MTMR8: variants seen among roughly 807,000 people sequenced by gnomAD.
The protein encoded by MTMR8 is myotubularin related protein 8.
Under a neutral mutation model 39.3 loss-of-function variants are expected in MTMR8, and 65 were observed. The observed-to-expected ratio is 1.65, with a 90% CI of 1.35 to 2.03. The LOEUF is 2.03. Among genes scored for constraint, MTMR8 ranks in the 30% most tolerant of loss-of-function variants. The pLI is 0.00. For missense variants in MTMR8, 777 were observed against 538.9 expected (o/e 1.44, Z -4.37); for synonymous variants, 245 against 185.2 (o/e 1.32, Z -2.62).
intron 1 of MTMR8, among the ~76,000 whole-genome samples, chrX:64,366,573 A>C (rs1923964579): frequency 8.9e-6 from 1 of 112,017 alleles, no homozygotes; most frequent in Non-Finnish European, 1.9e-5. Context: ...ACAAACACAC[A>C]ATGTAACAGA....
chrX:64,299,877 T>G (rs1342482963), intron 12 of MTMR8, among the ~76,000 whole-genome samples: 1 of 84,839 alleles, frequency 1.2e-5, no homozygotes, highest in African/African-American at 4.4e-5. Context: ...AGTTTCCATG[T>G]AGTTGAGCGG....
At chrX:64,382,036 G>T (rs1366001383) in intron 1 of MTMR8, among the ~76,000 whole-genome samples, 1 of 111,578 alleles carries the variant, frequency 9.0e-6, no homozygotes, top group Non-Finnish European at 1.9e-5. Context: ...GTCAGGTAGT[G>T]TGATGCCTCC....
At position 64,268,506 on chromosome X, in the gene MTMR8, G is replaced by T. The variant is rs1342190969; in HGVS notation, c.*31C>A. ...ACAAGAATCATTGTAGCTGCTGTAGGTATACCTAGCATGGAAGATGAGTAA... is the reference window on the plus strand; with the variant it reads ...ACAAGAATCATTGTAGCTGCTGTAGTTATACCTAGCATGGAAGATGAGTAA... On this transcript the variant is annotated 3_prime_UTR_variant, in exon 14 of 14. Coordinates refer to ENST00000374852, the MANE Select transcript of MTMR8 (RefSeq NM_017677.4). 1.0e-5 allele frequency: 12 copies of T among 1,177,515 alleles called. No homozygotes were observed. The East Asian group carries it at 1.2e-4, about 12-fold the overall frequency.
At chrX:64,273,085 G>T (rs981829405) in intron 12 of MTMR8, among the ~76,000 whole-genome samples, 1 of 111,416 alleles carries the variant, frequency 9.0e-6, no homozygotes, top group African/African-American at 3.3e-5. Context: ...GAAAATGAAA[G>T]AATGCTAAAT....
chrX:64,384,358 G>C (rs777722750), intron 1 of MTMR8, among the ~76,000 whole-genome samples: 1 of 111,496 alleles, frequency 9.0e-6, no homozygotes, highest in African/African-American at 3.3e-5. Context: ...CTGTGGTCTA[G>C]AGGGTGGTGG....
At position 64,298,450 on chromosome X, in the gene MTMR8, G is replaced by T. The variant is rs1201376074; in HGVS notation, c.1482-27377C>A. ...TTTTGTATCCTGAGACTTTGCTGAAGTTGCTTATCAGCTTAAGGAGATTTT... is the reference window on the plus strand; with the variant it reads ...TTTTGTATCCTGAGACTTTGCTGAATTTGCTTATCAGCTTAAGGAGATTTT... On this transcript the variant is annotated intron_variant, in intron 12 of 13. Transcript: ENST00000374852. Among the ~76,000 whole-genome samples the T allele has an allele frequency of 9.3e-5, 8 of 85,685 alleles. No individual in the cohort carries two copies. The Admixed American group carries it at 9.8e-4, about 10-fold the overall frequency. 74.4% of individuals were successfully genotyped at this position (85,685 alleles called of 115,157 possible). A position where few individuals can be genotyped will look rare whatever the true frequency, so the allele number is the denominator to read the frequency against.
intron 12 of MTMR8, among the ~76,000 whole-genome samples, chrX:64,277,625 G>A (rs1931907819): frequency 8.9e-6 from 1 of 111,944 alleles, no homozygotes. Flanking sequence ...AGTCTGATGG[G>A]CTTCCCTTTG....
chrX:64,297,373 T>G (rs1921652275), intron 12 of MTMR8, among the ~76,000 whole-genome samples: 1 of 107,484 alleles, frequency 9.3e-6, no homozygotes, highest in South Asian at 4.2e-4. Context: ...GCGGCATAAA[T>G]GTCTTCTTTT....
chrX:64,374,120 T>G (rs1315891571), intron 1 of MTMR8, among the ~76,000 whole-genome samples: 1 of 111,911 alleles, frequency 8.9e-6, no homozygotes, highest in Admixed American at 9.5e-5. Flanking sequence ...TTATAAATTA[T>G]AAACTCCCAG....
At chrX:64,361,137 A>C (rs1923768273) in intron 1 of MTMR8, among the ~76,000 whole-genome samples, 2 of 112,197 alleles carry the variant, frequency 1.8e-5, no homozygotes, top group Admixed American at 1.9e-4. Context: ...TATGCTAATA[A>C]ATTGGAAAAC....
chrX:64,375,086 G>A (rs1924234271), intron 1 of MTMR8, among the ~76,000 whole-genome samples: 1 of 107,530 alleles, frequency 9.3e-6, no homozygotes. Context: ...AGGGCCAGCT[G>A]TGGTGGCTCA....
chrX:64,340,099 G>A (rs146600484), intron 8 of MTMR8, among the ~76,000 whole-genome samples: 115 of 111,758 alleles, frequency 1.0e-3, no homozygotes, highest in East Asian at 8.2e-3. Context: ...GAGAATGACC[G>A]TGGCTAGCAG....
intron 12 of MTMR8, among the ~76,000 whole-genome samples, chrX:64,295,523 G>C (rs1921545991): frequency 9.0e-6 from 1 of 111,042 alleles, no homozygotes; most frequent in Admixed American, 9.6e-5. Flanking sequence ...GAATAAAAAG[G>C]TAACCAGAGA....
intron 4 of MTMR8, among the ~76,000 whole-genome samples, chrX:64,353,636 G>C (rs777479018): frequency 8.9e-6 from 1 of 111,914 alleles, no homozygotes; most frequent in East Asian, 2.8e-4. Context: ...TACACAATTG[G>C]TAGGAATGTA....
chrX:64,277,116 C>T (rs1433571490), intron 12 of MTMR8, among the ~76,000 whole-genome samples: 1 of 111,507 alleles, frequency 9.0e-6, no homozygotes, highest in Admixed American at 9.5e-5. Context: ...TTCCTCCATC[C>T]CTTTATTTTG....
intron 12 of MTMR8, among the ~76,000 whole-genome samples, chrX:64,313,566 C>T (rs1461539454): frequency 8.9e-6 from 1 of 112,502 alleles, no homozygotes; most frequent in African/African-American, 3.2e-5. Flanking sequence ...TAGCTTTTGT[C>T]CTTTCTCAGC....
chrX:64,381,449 T>G (rs1199292350), intron 1 of MTMR8, among the ~76,000 whole-genome samples: 2 of 95,150 alleles, frequency 2.1e-5, no homozygotes, highest in African/African-American at 1.2e-4. Context: ...TGGGGTTGTT[T>G]TTTTTTTTTT....
intron 1 of MTMR8, among the ~76,000 whole-genome samples, chrX:64,394,465 G>C (rs189484544): frequency 8.9e-6 from 1 of 111,744 alleles, no homozygotes; most frequent in East Asian, 2.8e-4. Context: ...AAAACACGCT[G>C]GATTTTTTAC....
chrX:64,320,529 G>A (rs967008976), intron 12 of MTMR8, among the ~76,000 whole-genome samples: 10 of 110,571 alleles, frequency 9.0e-5, no homozygotes, highest in Non-Finnish European at 1.5e-4. Context: ...CAGAGCTAGA[G>A]TGGCCTTTTT....
Sources: allele counts gnomAD v4.1 joint callset (sites outside exome capture counted in the v4.1 genomes callset), GRCh38; gene constraint gnomAD v4.1.1; transcripts MANE v1.5; gene names NCBI Gene and HGNC (gene_info 2026-07-23, HGNC 2026-07-21).